The following LSAMP variants were observed in gnomAD, a reference collection of about 807,000 sequenced individuals.
LSAMP encodes the protein limbic system associated membrane protein.
In LSAMP, 7 loss-of-function variants were observed where a neutral mutation model predicts 38.6. The ratio of observed to expected loss-of-function variants is 0.18; its 90% confidence interval spans 0.10 to 0.34. LSAMP has a LOEUF of 0.34. Ranked by LOEUF, LSAMP falls within the 10% of genes least tolerant of loss-of-function variation. The pLI, the probability that LSAMP is intolerant of heterozygous loss-of-function variation, is 1.00. For synonymous variants in LSAMP, 154 were observed against 166.8 expected, an observed-to-expected ratio of 0.92 and a Z score of 0.59; for missense variants, 313 against 420.0, an observed-to-expected ratio of 0.75 and a Z score of 2.23.
chr3:116,286,036 C>T (rs559681034), intron 1 of LSAMP, among the ~76,000 whole-genome samples: 12 of 152,316 alleles, frequency 7.9e-5, no homozygotes, highest in African/African-American at 1.4e-4. Context: ...AGACAAAACC[C>T]AGAGGACTTA....
intron 1 of LSAMP, among the ~76,000 whole-genome samples, chr3:116,349,484 T>TACACAC (rs59773081): frequency 6.7e-6 from 1 of 149,052 alleles, no homozygotes; most frequent in Admixed American, 6.7e-5. Flanking sequence ...CCAAAAAAAC[T>TACACAC]ACACACACAC....
rs56951507 is a variant in LSAMP, at chr3:116,031,538, C to CTTT, written c.389-11901_389-11899dup. Among the ~76,000 whole-genome samples, 11 of 60,274 alleles carry CTTT rather than the reference C, an allele frequency of 1.8e-4. 2 individuals are homozygous for CTTT. The highest frequency in any genetic ancestry group is 1.6e-3 in the South Asian group (2 of 1,272). The allele number at this position is 60,274 out of a possible 152,430, so 39.5% of individuals were successfully genotyped here. On this transcript the variant is annotated intron_variant, in intron 2 of 6. Coordinates refer to ENST00000490035, the MANE Select transcript of LSAMP (RefSeq NM_002338.5). ...CATGCCTACATAACTAGCCTAAATT[C>CTTT]TTTTTTTTTTTTTTTTTTTTTTTTT... is the stretch of plus-strand genomic sequence containing the variant.
intron 1 of LSAMP, among the ~76,000 whole-genome samples, chr3:116,335,203 GAAATT>G (rs1240630961): frequency 6.6e-6 from 1 of 151,984 alleles, no homozygotes; most frequent in Non-Finnish European, 1.5e-5. Context: ...TTTGCTGAAA[GAAATT>G]AAAGAAGACA....
At chr3:116,100,077 A>C (rs5004406) in intron 1 of LSAMP, among the ~76,000 whole-genome samples, 34,957 of 121,430 alleles carry the variant, frequency 0.29, 5,433 homozygotes, top group African/African-American at 0.48. Flanking sequence ...CAGAATTATT[A>C]TTTTTGGGGG....
At chr3:116,263,641 T>TATC (rs2046857574) in intron 1 of LSAMP, among the ~76,000 whole-genome samples, 2 of 149,620 alleles carry the variant, frequency 1.3e-5, no homozygotes, top group Admixed American at 1.3e-4. Flanking sequence ...ATAAAGCACA[T>TATC]ATCAAAATTA....
intron 1 of LSAMP, among the ~76,000 whole-genome samples, chr3:116,325,209 T>C (rs2047754378): frequency 6.6e-6 from 1 of 151,894 alleles, no homozygotes; most frequent in Non-Finnish European, 1.5e-5. Flanking sequence ...GGCATGATCA[T>C]AGTGCACTGC....
chr3:116,268,814 AAGGACAGCTTGGTAAG>A (rs1342769534), intron 1 of LSAMP, among the ~76,000 whole-genome samples: 1 of 152,022 alleles, frequency 6.6e-6, no homozygotes, highest in African/African-American at 2.4e-5. Context: ...TTGTAGGATG[AAGGACAGCTTGGTAAG>A]AGGGCAGGGA....
At chr3:116,194,652 T>A (rs1710839461) in intron 1 of LSAMP, among the ~76,000 whole-genome samples, 1 of 152,178 alleles carries the variant, frequency 6.6e-6, no homozygotes, top group African/African-American at 2.4e-5. Context: ...CACCTCGGCC[T>A]CCCAAAGTGT....
intron 6 of LSAMP, among the ~76,000 whole-genome samples, chr3:115,811,312 A>C (rs1257463403): frequency 1.3e-5 from 2 of 152,108 alleles, no homozygotes; most frequent in Admixed American, 1.3e-4. Flanking sequence ...CATAAAAGAG[A>C]GGATTGGGGA....
chr3:116,073,236 C>T (rs868407603), intron 2 of LSAMP, among the ~76,000 whole-genome samples: 9 of 152,090 alleles, frequency 5.9e-5, no homozygotes, highest in Admixed American at 3.3e-4. Context: ...GTCCTATTTC[C>T]GAGTTCTTTT....
intron 3 of LSAMP, among the ~76,000 whole-genome samples, chr3:115,945,992 G>A (rs9827641): frequency 0.88 from 133,127 of 152,120 alleles, 58,554 homozygotes; most frequent in East Asian, 0.98. Context: ...CTTAAATAGA[G>A]CATCCCTTGA....
chr3:116,295,172 G>A (rs967717797), intron 1 of LSAMP, among the ~76,000 whole-genome samples: 3 of 152,176 alleles, frequency 2.0e-5, no homozygotes, highest in Admixed American at 6.5e-5. Flanking sequence ...AATTGGCATT[G>A]TGTATTTACC....
chr3:115,950,050 C>G (rs1021413936), intron 3 of LSAMP, among the ~76,000 whole-genome samples: 2 of 152,048 alleles, frequency 1.3e-5, no homozygotes, highest in Non-Finnish European at 2.9e-5. Context: ...ATGATGGAAA[C>G]CCTCAGCAAA....
At chr3:115,841,584 C>A in intron 6 of LSAMP, 2 of 330,394 alleles carry the variant, frequency 6.1e-6, no homozygotes, top group South Asian at 8.4e-5. Context: ...TTTAACTAAC[C>A]AGGAAAAAAC....
chr3:116,200,047 TG>T (rs1045083822), intron 1 of LSAMP, among the ~76,000 whole-genome samples: 45 of 151,412 alleles, frequency 3.0e-4, no homozygotes, highest in African/African-American at 1.0e-3. Context: ...AATCAAAAAA[TG>T]GGGAGAAAGG....
chr3:116,435,967 G>T (rs2049344435), intron 1 of LSAMP, among the ~76,000 whole-genome samples: 1 of 152,088 alleles, frequency 6.6e-6, no homozygotes, highest in Non-Finnish European at 1.5e-5. Flanking sequence ...AACAGGCAGA[G>T]GTACCAGAAA....
intron 1 of LSAMP, among the ~76,000 whole-genome samples, chr3:116,087,386 T>A (rs1205888644): frequency 6.6e-6 from 1 of 152,224 alleles, no homozygotes; most frequent in East Asian, 1.9e-4. Flanking sequence ...GCAAAGAACA[T>A]GCATTAGTGA....
chr3:115,892,515 T>C (rs1936625383), intron 3 of LSAMP, among the ~76,000 whole-genome samples: 1 of 151,988 alleles, frequency 6.6e-6, no homozygotes, highest in Non-Finnish European at 1.5e-5. Flanking sequence ...ATTCCACTTA[T>C]GTCAAGTACA....
chr3:116,053,401 T>C (rs1335981233), intron 2 of LSAMP, among the ~76,000 whole-genome samples: 1 of 152,170 alleles, frequency 6.6e-6, no homozygotes, highest in Non-Finnish European at 1.5e-5. Context: ...TAGGCAACCA[T>C]GGCACAATGA....
Sources: allele counts gnomAD v4.1 joint callset (sites outside exome capture counted in the v4.1 genomes callset), GRCh38; gene constraint gnomAD v4.1.1; transcripts MANE v1.5; gene names NCBI Gene and HGNC (gene_info 2026-07-23, HGNC 2026-07-21).